The following NRK variants were observed in gnomAD, a reference collection of about 807,000 sequenced individuals.
The protein encoded by NRK is nik-related protein kinase.
Under a neutral mutation model 125.2 loss-of-function variants are expected in NRK, and 67 were observed. The observed-to-expected ratio is 0.54, with a 90% CI of 0.44 to 0.66. The LOEUF (loss-of-function observed/expected upper bound fraction) is 0.66. Ranked by LOEUF, NRK falls within the 30% of genes least tolerant of loss-of-function variation. The probability of loss-of-function intolerance (pLI) is 0.00; values close to 1 mark genes in which losing one functional copy is unlikely to be tolerated. For synonymous variants in NRK, 458 were observed against 429.0 expected, an observed-to-expected ratio of 1.07 and a Z score of -0.84; for missense variants, 1,224 against 1,192.9, an observed-to-expected ratio of 1.03 and a Z score of -0.38.
chrX:105,832,001 C>CA lies in NRK; in HGVS notation c.123+891dup, dbSNP rs905078900. ...CTGGAGGATATGCGTAAGTTATATG[C>CA]AAAAAAAAATTACTGTGCCATTATA... On this transcript the variant is annotated intron_variant, in intron 2 of 28. Coordinates refer to ENST00000243300, the MANE Select transcript of NRK (RefSeq NM_198465.4). 6.4e-5 allele frequency among the ~76,000 whole-genome samples: 7 copies of CA among 109,420 alleles called. No individual in the cohort carries two copies. The East Asian group carries it at 8.6e-4, about 13-fold the overall frequency.
At chrX:105,895,713 T>C (rs1370461072) in intron 7 of NRK, among the ~76,000 whole-genome samples, 190 bp downstream of exon 7, 1 of 111,510 alleles carries the variant, frequency 9.0e-6, no homozygotes, top group East Asian at 2.8e-4. Flanking sequence ...AGAAAGAGGA[T>C]GCACATACCT....
chrX:105,843,191 C>G (rs185779927), intron 2 of NRK, among the ~76,000 whole-genome samples: 122 of 111,785 alleles, frequency 1.1e-3, no homozygotes, highest in Non-Finnish European at 1.4e-3. Context: ...TTTTCTGTTG[C>G]CCACACTCAT....
intron 9 of NRK, among the ~76,000 whole-genome samples, chrX:105,904,778 T>A (rs2040200390): frequency 9.2e-6 from 1 of 108,314 alleles, no homozygotes; most frequent in African/African-American, 3.3e-5. Context: ...ACTATACCTA[T>A]TTTTTTTTTC....
chrX:105,895,099 A>T, intron 6 of NRK: 1 of 432,982 alleles, frequency 2.3e-6, no homozygotes, highest in Non-Finnish European at 4.0e-6. Context: ...GATATTCAAG[A>T]TGTCCAGATC....
intron 21 of NRK, among the ~76,000 whole-genome samples, chrX:105,936,030 T>G (rs1177953870): frequency 9.1e-6 from 1 of 110,413 alleles, no homozygotes; most frequent in Non-Finnish European, 1.9e-5. Context: ...AAATCCTTTT[T>G]TTCAGAAGAA....
chrX:105,906,405 A>AT lies in NRK; in HGVS notation c.846-3dup, dbSNP rs774066891. On this transcript the variant is annotated splice_polypyrimidine_tract_variant and intron_variant, in intron 10 of 28. Transcript: ENST00000243300. Reference sequence around the variant, plus strand: ...CACTTTTTTTTCCTCTCTTTGACTCATTTTTTAGGTCCCGTAAGTTCCACA... The same window carrying AT: ...CACTTTTTTTTCCTCTCTTTGACTCATTTTTTTAGGTCCCGTAAGTTCCACA... 18 of 1,126,204 alleles carry AT rather than the reference A, an allele frequency of 1.6e-5. No individual in the cohort carries two copies. The highest frequency in any genetic ancestry group is 2.3e-5 in the South Asian group (1 of 44,316). 92.8% of individuals were successfully genotyped at this position (1,126,204 alleles called of 1,213,427 possible).
intron 2 of NRK, among the ~76,000 whole-genome samples, chrX:105,853,191 A>T (rs2039493523): frequency 8.9e-6 from 1 of 111,891 alleles, no homozygotes; most frequent in Non-Finnish European, 1.9e-5. Context: ...TGTCAGTATC[A>T]CCCAGAAACT....
intron 27 of NRK, 48 bp downstream of exon 27, chrX:105,949,782 A>G: frequency 1.2e-6 from 1 of 845,331 alleles, no homozygotes; most frequent in Admixed American, 3.5e-5. Flanking sequence ...GAAAATTTAC[A>G]AGGGTAAAAA....
intron 19 of NRK, among the ~76,000 whole-genome samples, chrX:105,930,733 C>T (rs1337140906): frequency 9.0e-6 from 1 of 110,903 alleles, no homozygotes; most frequent in Non-Finnish European, 1.9e-5. Flanking sequence ...TAAGGAAAGA[C>T]TTAGTCCATA....
chrX:105,830,021 A>C (rs774184055), intron 1 of NRK, among the ~76,000 whole-genome samples: 1 of 109,943 alleles, frequency 9.1e-6, no homozygotes, highest in Non-Finnish European at 1.9e-5. Flanking sequence ...TTGCATGTTA[A>C]ATTTTCTGCT....
At chrX:105,916,309 G>GTAA (rs1229176938) in intron 15 of NRK, among the ~76,000 whole-genome samples, 18 of 110,610 alleles carry the variant, frequency 1.6e-4, no homozygotes, top group Non-Finnish European at 3.0e-4. Context: ...TTTAATCTTT[G>GTAA]TAATATTGGT....
intron 8 of NRK, 43 bp downstream of exon 8, chrX:105,898,757 G>A (rs1334446121): frequency 1.9e-6 from 2 of 1,034,262 alleles, no homozygotes; most frequent in Non-Finnish European, 2.5e-6. Context: ...AATTTGGAAA[G>A]GATTTTTGAT....
At position 105,881,697 on chromosome X, in the gene NRK, C is replaced by T; in HGVS notation, c.181-11C>T. ...CCAGTACATCTAATAACATTTTATT[C>T]TTGGTTACAGACCCCTTTACCTGAA... On this transcript the variant is annotated splice_polypyrimidine_tract_variant and intron_variant, in intron 3 of 28. Transcript: ENST00000243300. The T allele has an allele frequency of 9.3e-7, 1 of 1,075,894 alleles. No individual in the cohort carries two copies. The highest frequency in any genetic ancestry group is 3.3e-5 in the East Asian group (1 of 30,630). The allele number at this position is 1,075,894 out of a possible 1,213,427, so 88.7% of individuals were successfully genotyped here.
chrX:105,900,731 A>G lies in NRK; in HGVS notation c.766+59A>G, dbSNP rs911521158. 2.1e-5 allele frequency: 15 copies of G among 704,689 alleles called. No homozygotes were observed. The Admixed American group carries it at 2.2e-4, about 10-fold the overall frequency. 58.1% of individuals were successfully genotyped at this position (704,689 alleles called of 1,213,427 possible). A position where few individuals can be genotyped will look rare whatever the true frequency, so the allele number is the denominator to read the frequency against. On this transcript the variant is annotated intron_variant, in intron 9 of 28. Transcript: ENST00000243300. ...TAGGGAAATGTACTGTACAAATCAT[A>G]CAAATCTCTCTCTGTCGAAGAAGAT...
chrX:105,839,980 T>C (rs1241992279), intron 2 of NRK, among the ~76,000 whole-genome samples: 1 of 111,121 alleles, frequency 9.0e-6, no homozygotes, highest in Non-Finnish European at 1.9e-5. Context: ...ATATTTGCAA[T>C]GGGGGTGAAA....
At chrX:105,869,390 A>G (rs940609328) in intron 2 of NRK, among the ~76,000 whole-genome samples, 1 of 111,180 alleles carries the variant, frequency 9.0e-6, no homozygotes, top group Non-Finnish European at 1.9e-5. Context: ...AATGTAAACT[A>G]TGCTTTTTTC....
chrX:105,909,559 A>G lies in NRK; in HGVS notation c.1918A>G (p.Ile640Val), dbSNP rs769691347. Reference sequence around the variant, plus strand: ...GGCAATTGGCTCAGTTCAAGCACTGATAGAGGGACTATCAAGAGACTTGCT... The same window carrying G: ...GGCAATTGGCTCAGTTCAAGCACTGGTAGAGGGACTATCAAGAGACTTGCT... ...PQAIGSVQAL[I>V]EGLSRDLLRA... The change falls in exon 13 of 29, where the codon ATA becomes GTA. Residue 640 changes from isoleucine to valine, a missense_variant. Transcript: ENST00000243300. The G allele has an allele frequency of 9.9e-6, 12 of 1,206,978 alleles. No individual in the cohort carries two copies. The Admixed American group carries it at 2.4e-4, about 24-fold the overall frequency.
intron 27 of NRK, among the ~76,000 whole-genome samples, chrX:105,951,159 A>G (rs2040892621): frequency 9.0e-6 from 1 of 111,339 alleles, no homozygotes; most frequent in African/African-American, 3.3e-5. Flanking sequence ...GATTCGGGGC[A>G]AAAGAAAGTA....
intron 2 of NRK, among the ~76,000 whole-genome samples, chrX:105,866,917 T>A (rs1184396309): frequency 1.8e-5 from 2 of 111,126 alleles, no homozygotes; most frequent in Non-Finnish European, 3.8e-5. Flanking sequence ...TTTTTCAAGT[T>A]CTTTGGTAGC....
Sources: gnomAD v4.1 joint callset for allele counts (sites outside exome capture counted in the v4.1 genomes callset) on GRCh38, gnomAD v4.1.1 for gene constraint, MANE v1.5 for transcripts, NCBI Gene and HGNC (gene_info 2026-07-23, HGNC 2026-07-21) for gene names.